Variants in DPP10 observed in about 807,000 individuals in gnomAD.
DPP10 encodes the protein dipeptidyl peptidase like 10, also known as inactive dipeptidyl peptidase 10.
A neutral mutation model predicts 120.9 loss-of-function variants in DPP10; 33 were observed. That is an observed-to-expected ratio of 0.27 (90% CI 0.21 to 0.37). DPP10 has a LOEUF of 0.37. Among genes scored for constraint, DPP10 ranks in the 10% least tolerant of loss-of-function variants. The pLI, the probability that DPP10 is intolerant of heterozygous loss-of-function variation, is 1.00. For synonymous variants in DPP10, 337 were observed against 326.1 expected, an observed-to-expected ratio of 1.03 and a Z score of -0.36; for missense variants, 816 against 942.8, an observed-to-expected ratio of 0.87 and a Z score of 1.76.
At chr2:114,702,753 C>T (rs567741645) in intron 1 of DPP10, among the ~76,000 whole-genome samples, 1 of 152,220 alleles carries the variant, frequency 6.6e-6, no homozygotes, top group South Asian at 2.1e-4. Flanking sequence ...TTTCTTGGAT[C>T]CATCCTGGAT....
At chr2:114,893,813 C>G (rs1038731076) in intron 1 of DPP10, among the ~76,000 whole-genome samples, 1 of 152,154 alleles carries the variant, frequency 6.6e-6, no homozygotes, top group Non-Finnish European at 1.5e-5. Context: ...TAGAGTTAAC[C>G]CTCCAGTTAA....
rs139707479 is a variant in DPP10, at chr2:114,660,675, C to T, written c.60+217837C>T. On this transcript the variant is annotated intron_variant, in intron 1 of 25. Transcript: ENST00000410059. ...TTTTTAGGAGGTGAACTTTAATGTC[C>T]CTTTTAGCTCTGTGATTCAATGACT... 2.0e-3 allele frequency among the ~76,000 whole-genome samples: 299 copies of T among 152,176 alleles called. 1 individual carries two copies. The highest frequency in any genetic ancestry group is 6.8e-3 in the African/African-American group (283 of 41,504).
chr2:115,413,442 G>A lies in DPP10; in HGVS notation c.271+69530G>A, dbSNP rs559864504. On this transcript the variant is annotated intron_variant, in intron 3 of 25. Coordinates refer to ENST00000410059, the MANE Select transcript of DPP10 (RefSeq NM_020868.6). The stretch of plus-strand genomic sequence containing the variant: ...CAGCCGCTCCACAGTAGTGGAGCAT[G>A]AGGGTAGGTTATCTTCAAGTAGTGA... Among the ~76,000 whole-genome samples the A allele has an allele frequency of 2.2e-4, 33 of 152,278 alleles. 1 individual carries two copies. Among genetic ancestry groups the A allele is most frequent in the South Asian group, 1.4e-3 (7 of 4,830 alleles).
At chr2:114,772,101 T>C (rs574921319) in intron 1 of DPP10, among the ~76,000 whole-genome samples, 3 of 151,808 alleles carry the variant, frequency 2.0e-5, no homozygotes, top group Admixed American at 6.6e-5. Context: ...AAAATTATTT[T>C]TTCATAGTAT....
intron 1 of DPP10, chr2:114,835,307 ACATATCTACACACCTATGTATATATAAGC>A (rs1558792821): frequency 2.1e-5 from 3 of 140,654 alleles, no homozygotes; most frequent in South Asian, 4.6e-4. Flanking sequence ...TATATATAAG[ACATATCTACACACCTATGTATATATAAGC>A]CATATCTACA....
chr2:115,229,967 G>A (rs147329047), intron 1 of DPP10, among the ~76,000 whole-genome samples: 98 of 150,794 alleles, frequency 6.5e-4, no homozygotes, highest in South Asian at 2.1e-3. Context: ...AATGGCATTC[G>A]TATTTTGATA....
At chr2:115,667,008 T>C (rs1174426660) in intron 5 of DPP10, among the ~76,000 whole-genome samples, 1 of 152,166 alleles carries the variant, frequency 6.6e-6, no homozygotes, top group Non-Finnish European at 1.5e-5. Flanking sequence ...TTCACCATGA[T>C]TGTAAGTTTC....
At chr2:114,869,104 G>A (rs1047925174) in intron 1 of DPP10, among the ~76,000 whole-genome samples, 3 of 152,120 alleles carry the variant, frequency 2.0e-5, no homozygotes, top group East Asian at 1.9e-4. Flanking sequence ...ATTATCAATT[G>A]AGGGCTTCAG....
At chr2:115,157,244 CA>C (rs569338436) in intron 1 of DPP10, among the ~76,000 whole-genome samples, 1,343 of 101,414 alleles carry the variant, frequency 0.013, 7 homozygotes, top group African/African-American at 0.032. Flanking sequence ...TTAAATATAG[CA>C]AAAAAAAAAA....
At chr2:115,774,035 C>A (rs1206550349) in intron 13 of DPP10, among the ~76,000 whole-genome samples, 2 of 152,060 alleles carry the variant, frequency 1.3e-5, no homozygotes, top group East Asian at 3.9e-4. Context: ...ATTAAGGCTT[C>A]CAACAAGAGA....
At chr2:115,292,177 AT>A (rs1377769987) in intron 1 of DPP10, among the ~76,000 whole-genome samples, 1 of 152,146 alleles carries the variant, frequency 6.6e-6, no homozygotes, top group East Asian at 1.9e-4. Context: ...TTAAGCCAGT[AT>A]TCACCTAAAC....
At chr2:115,645,978 AT>A (rs2087211210) in intron 5 of DPP10, among the ~76,000 whole-genome samples, 1 of 152,164 alleles carries the variant, frequency 6.6e-6, no homozygotes, top group South Asian at 2.1e-4. Flanking sequence ...ATAAGGCGTT[AT>A]GTTTTGTTTT....
At chr2:114,791,532 C>G (rs1683240974) in intron 1 of DPP10, among the ~76,000 whole-genome samples, 3 of 152,030 alleles carry the variant, frequency 2.0e-5, no homozygotes, top group African/African-American at 7.2e-5. Flanking sequence ...CTCTTTTTCA[C>G]TTTTCGCTTG....
intron 1 of DPP10, chr2:114,833,438 A>G (rs996912898): frequency 6.6e-6 from 1 of 152,176 alleles, no homozygotes; most frequent in Non-Finnish European, 1.5e-5. Context: ...TTTCTCTTGA[A>G]TACAAAAAAT....
chr2:114,731,111 T>G (rs1402562961), intron 1 of DPP10, among the ~76,000 whole-genome samples: 3 of 152,058 alleles, frequency 2.0e-5, no homozygotes, highest in Non-Finnish European at 4.4e-5. Context: ...GATAGAGACC[T>G]GTCTCTCTAT....
At chr2:115,483,645 AAAACAACCACAGC>A (rs918383193) in intron 3 of DPP10, among the ~76,000 whole-genome samples, 2 of 152,130 alleles carry the variant, frequency 1.3e-5, no homozygotes, top group Non-Finnish European at 2.9e-5. Flanking sequence ...TAGTTTGAAG[AAAACAACCACAGC>A]AATAAAAAAT....
At chr2:114,965,110 A>G (rs1698907319) in intron 1 of DPP10, among the ~76,000 whole-genome samples, 1 of 151,980 alleles carries the variant, frequency 6.6e-6, no homozygotes, top group African/African-American at 2.4e-5. Flanking sequence ...AGGAAGTGGT[A>G]AGAGTTCAGT....
chr2:114,541,166 G>A (rs540106551), intron 1 of DPP10, among the ~76,000 whole-genome samples: 10 of 152,280 alleles, frequency 6.6e-5, no homozygotes, highest in Admixed American at 2.0e-4. Flanking sequence ...ACGGCTTTTC[G>A]CAACTACTCT....
intron 5 of DPP10, among the ~76,000 whole-genome samples, chr2:115,667,825 CTTATA>C (rs936756830): frequency 5.3e-5 from 8 of 151,646 alleles, no homozygotes; most frequent in African/African-American, 1.5e-4. Context: ...TTCCTTCTTT[CTTATA>C]TTATATTATA....
Sources: allele counts gnomAD v4.1 joint callset (sites outside exome capture counted in the v4.1 genomes callset), GRCh38; gene constraint gnomAD v4.1.1; transcripts MANE v1.5; gene names NCBI Gene and HGNC (gene_info 2026-07-23, HGNC 2026-07-21).